The following BCLAF1 variants were observed in gnomAD, a reference collection of about 807,000 sequenced individuals.
BCLAF1 encodes the protein bcl-2-associated transcription factor 1.
Under a neutral mutation model 99.5 loss-of-function variants are expected in BCLAF1, and 10 were observed. The ratio of observed to expected loss-of-function variants is 0.10; its 90% CI spans 0.06 to 0.17. The LOEUF (loss-of-function observed/expected upper bound fraction) is 0.17. BCLAF1 is among the 10% of genes least tolerant of loss of function. The pLI is 1.00. For missense variants in BCLAF1, 636 were observed against 1,105.8 expected (o/e 0.58, Z 6.02); for synonymous variants, 255 against 370.9 (o/e 0.69, Z 3.59).
chr6:136,277,034 G>A (rs1783528929), intron 4 of BCLAF1, among the ~76,000 whole-genome samples: 1 of 152,092 alleles, frequency 6.6e-6, no homozygotes, highest in African/African-American at 2.4e-5. Flanking sequence ...CTATTTCATA[G>A]AAACTAATGA....
chr6:136,261,560 T>C, intron 11 of BCLAF1, 83 bp from the exon 12 acceptor site: 1 of 1,383,170 alleles, frequency 7.2e-7, no homozygotes, highest in Non-Finnish European at 1.0e-6. Flanking sequence ...ACAGTATTAA[T>C]CTTCTGAAGA....
Position 136,268,144 on chromosome 6 carries a change from GA to G in BCLAF1, c.2397+17del. The G allele has an allele frequency of 6.6e-7, 1 of 1,509,136 alleles. No homozygotes were observed. The highest frequency in any genetic ancestry group is 2.3e-5 in the East Asian group (1 of 43,770). 93.5% of individuals were successfully genotyped at this position (1,509,136 alleles called of 1,614,324 possible). ...GATAAACTCCTACCAAACAATCAAA[GA>G]TAATTTTTTCACTTACAAAGGTTCC... On this transcript the variant is annotated intron_variant, in intron 10 of 12. Coordinates refer to ENST00000531224, the MANE Select transcript of BCLAF1 (RefSeq NM_014739.3).
chr6:136,288,581 C>T (rs1785483040), intron 1 of BCLAF1, among the ~76,000 whole-genome samples: 1 of 152,198 alleles, frequency 6.6e-6, no homozygotes, highest in South Asian at 2.1e-4. Flanking sequence ...CAGTGAGGTA[C>T]AAGTCTGAAG....
At chr6:136,263,474 ATTC>A (rs1025530994) in intron 11 of BCLAF1, among the ~76,000 whole-genome samples, 15 of 152,276 alleles carry the variant, frequency 9.9e-5, no homozygotes, top group South Asian at 4.1e-4. Flanking sequence ...TGCTAAACAT[ATTC>A]TTAATACTCA....
intron 2 of BCLAF1, among the ~76,000 whole-genome samples, chr6:136,281,000 T>C (rs1371528315): frequency 6.6e-6 from 1 of 152,162 alleles, no homozygotes; most frequent in Non-Finnish European, 1.5e-5. Flanking sequence ...TTTACCTACC[T>C]AGACTTTGTT....
In BCLAF1 at chr6:136,282,628, T is replaced by C. The variant is rs1469075643; in HGVS notation, c.-55A>G. 1 of 152,200 alleles carries C rather than the reference T, an allele frequency of 6.6e-6. No individual in the cohort carries two copies. Among genetic ancestry groups the C allele is most frequent in the East Asian group, 1.9e-4 (1 of 5,188 alleles). 9.4% of individuals were successfully genotyped at this position (152,200 alleles called of 1,614,324 possible). ...AAGAAGTCAAGTGAAGTCTTTGAGA[T>C]ACTGTAAAAATTCTTCCTGGAGAGA... is the stretch of plus-strand genomic sequence containing the variant. On this transcript the variant is annotated 5_prime_UTR_variant, in exon 2 of 13. Coordinates refer to ENST00000531224, the MANE Select transcript of BCLAF1 (RefSeq NM_014739.3).
At chr6:136,285,808 C>G (rs188294610) in intron 1 of BCLAF1, among the ~76,000 whole-genome samples, 94 of 152,124 alleles carry the variant, frequency 6.2e-4, no homozygotes, top group Non-Finnish European at 1.1e-3. Flanking sequence ...AGCTAGAAAA[C>G]AATTTATCAG....
Position 136,261,015 on chromosome 6 carries a change from A to C in BCLAF1, c.*95T>G. ...AGACTACTTGCAAACAGTAAAATTT[A>C]AGTAAAATGCTTACATTCTTATTTG... On this transcript the variant is annotated 3_prime_UTR_variant, in exon 13 of 13. Transcript: ENST00000531224. The C allele has an allele frequency of 1.5e-6, 2 of 1,348,872 alleles. No homozygotes were observed. Among genetic ancestry groups the C allele is most frequent in the South Asian group, 3.0e-5 (2 of 66,584 alleles). The allele number at this position is 1,348,872 out of a possible 1,614,324, so 83.6% of individuals were successfully genotyped here.
chr6:136,256,905 C>T lies in BCLAF1; in HGVS notation c.*4205G>A, dbSNP rs1226877026. 6.6e-6 allele frequency: 1 copy of T among 152,188 alleles called. No homozygotes were observed. Among genetic ancestry groups the T allele is most frequent in the African/African-American group, 2.4e-5 (1 of 41,402 alleles). The allele number at this position is 152,188 out of a possible 1,614,324, so 9.4% of individuals were successfully genotyped here. A position where few individuals can be genotyped will look rare whatever the true frequency, so the allele number is the denominator to read the frequency against. On this transcript the variant is annotated 3_prime_UTR_variant, in exon 13 of 13. Transcript: ENST00000531224. ...TTTATTTATTGTTGCTCTTCGCATT[C>T]CATGAAATTTGTAATCACTATGACA...
intron 1 of BCLAF1, among the ~76,000 whole-genome samples, chr6:136,285,890 G>C (rs150403602): frequency 9.2e-5 from 14 of 152,198 alleles, no homozygotes; most frequent in Non-Finnish European, 1.9e-4. Context: ...CTGAGGTTAG[G>C]AGTTTGAGAC....
chr6:136,263,133 C>T (rs1202253336), intron 11 of BCLAF1, among the ~76,000 whole-genome samples: 2 of 152,210 alleles, frequency 1.3e-5, no homozygotes, highest in East Asian at 3.8e-4. Flanking sequence ...GATAGTATTA[C>T]TGCCCTCACT....
In BCLAF1 at chr6:136,277,845, T is replaced by C. The variant is rs112821027; in HGVS notation, c.1016+20A>G. ...AACAAAAACAATATTATAATCTAGA[T>C]TCTGTATTTTAGTTTTTACCTTTTT... On this transcript the variant is annotated intron_variant, in intron 4 of 12. Transcript: ENST00000531224. 4 of 1,597,604 alleles carry C rather than the reference T, an allele frequency of 2.5e-6. No homozygotes were observed. Among genetic ancestry groups the C allele is most frequent in the Non-Finnish European group, 3.4e-6 (4 of 1,172,246 alleles).
At chr6:136,284,285 C>G (rs1274062647) in intron 1 of BCLAF1, among the ~76,000 whole-genome samples, 2 of 151,794 alleles carry the variant, frequency 1.3e-5, no homozygotes, top group East Asian at 3.9e-4. Flanking sequence ...AGTGGATATA[C>G]ATTCCTGTTC....
intron 1 of BCLAF1, among the ~76,000 whole-genome samples, chr6:136,284,128 GTGTATA>G (rs1215523026): frequency 5.2e-4 from 42 of 81,352 alleles, no homozygotes; most frequent in African/African-American, 1.8e-3. Flanking sequence ...GTGTGTGTGT[GTGTATA>G]TATATATATA....
chr6:136,267,654 G>C (rs1584023994), intron 10 of BCLAF1, among the ~76,000 whole-genome samples: 1 of 142,652 alleles, frequency 7.0e-6, no homozygotes, highest in Non-Finnish European at 1.5e-5. Flanking sequence ...GCACTACCAT[G>C]GAAGTCATTA....
intron 1 of BCLAF1, among the ~76,000 whole-genome samples, chr6:136,284,158 A>C (rs917661476): frequency 4.9e-5 from 7 of 144,012 alleles, no homozygotes; most frequent in South Asian, 2.2e-4. Context: ...ATATATATAT[A>C]TCCAGAGAAG....
intron 1 of BCLAF1, among the ~76,000 whole-genome samples, chr6:136,289,043 G>A (rs1260352925): frequency 6.6e-6 from 1 of 152,118 alleles, no homozygotes; most frequent in Non-Finnish European, 1.5e-5. Flanking sequence ...AGGTTGCCGC[G>A]GGTACCGAAA....
At chr6:136,270,706 T>G (rs1270876807) in intron 8 of BCLAF1, among the ~76,000 whole-genome samples, 1 of 151,858 alleles carries the variant, frequency 6.6e-6, no homozygotes, top group Non-Finnish European at 1.5e-5. Flanking sequence ...ATTAACATGT[T>G]ATTCATCCAG....
intron 10 of BCLAF1, among the ~76,000 whole-genome samples, chr6:136,267,680 C>T (rs1020602409): frequency 1.3e-5 from 2 of 151,716 alleles, no homozygotes; most frequent in Non-Finnish European, 2.9e-5. Context: ...ATAATTATAA[C>T]GACTTACAGA....
Sources: gnomAD v4.1 joint callset for allele counts (sites outside exome capture counted in the v4.1 genomes callset) on GRCh38, gnomAD v4.1.1 for gene constraint, MANE v1.5 for transcripts, NCBI Gene and HGNC (gene_info 2026-07-23, HGNC 2026-07-21) for gene names.